Variants in DIAPH3 observed in about 807,000 individuals in gnomAD.
DIAPH3 encodes diaphanous related formin 3, also known as protein diaphanous homolog 3.
Under a neutral mutation model 144.3 loss-of-function variants are expected in DIAPH3, and 117 were observed. The observed-to-expected ratio is 0.81, with a 90% confidence interval of 0.70 to 0.95. DIAPH3 has a LOEUF of 0.95. Ranked by LOEUF, DIAPH3 falls within the 40% of genes least tolerant of loss-of-function variation. The pLI is 0.00. For synonymous variants in DIAPH3, 519 were observed against 488.9 expected, an observed-to-expected ratio of 1.06 and a Z score of -0.81; for missense variants, 1,421 against 1,412.7, an observed-to-expected ratio of 1.01 and a Z score of -0.09.
intron 27 of DIAPH3, among the ~76,000 whole-genome samples, chr13:59,755,689 G>C (rs1340298426): frequency 6.6e-6 from 1 of 152,104 alleles, no homozygotes; most frequent in South Asian, 2.1e-4. Context: ...AAATCACAAA[G>C]AGAGTTTCAA....
intron 27 of DIAPH3, among the ~76,000 whole-genome samples, chr13:59,771,362 A>C (rs1053726673): frequency 1.3e-5 from 2 of 152,164 alleles, no homozygotes; most frequent in African/African-American, 4.8e-5. Flanking sequence ...AGGTTTATTA[A>C]AATTAACAAA....
In DIAPH3 at chr13:60,085,735, C is replaced by G. The variant is rs991437998; in HGVS notation, c.495+7893G>C. On this transcript the variant is annotated intron_variant, in intron 4 of 27. Transcript: ENST00000400324. Reference sequence around the variant, plus strand: ...TTTCACTTTTTCCTTCAGAAGTGTTCCTTCTTTTAAAAGCTTCTTTATATT... The same window carrying G: ...TTTCACTTTTTCCTTCAGAAGTGTTGCTTCTTTTAAAAGCTTCTTTATATT... 1.2e-4 allele frequency among the ~76,000 whole-genome samples: 19 copies of G among 152,102 alleles called. 1 individual carries two copies. Among genetic ancestry groups the G allele is most frequent in the South Asian group, 2.1e-4 (1 of 4,830 alleles).
At chr13:59,723,005 C>T (rs753790998) in intron 27 of DIAPH3, among the ~76,000 whole-genome samples, 3 of 152,158 alleles carry the variant, frequency 2.0e-5, no homozygotes, top group Non-Finnish European at 4.4e-5. Context: ...CATACCCCTT[C>T]CAAGAAATGG....
chr13:60,038,179 A>G (rs1230935692), intron 5 of DIAPH3, among the ~76,000 whole-genome samples: 2 of 152,110 alleles, frequency 1.3e-5, no homozygotes, highest in African/African-American at 4.8e-5. Context: ...AGGAAGCTTC[A>G]AAGCTATAGG....
intron 27 of DIAPH3, among the ~76,000 whole-genome samples, chr13:59,686,010 T>C (rs2033192599): frequency 6.6e-6 from 1 of 152,152 alleles, no homozygotes; most frequent in East Asian, 1.9e-4. Context: ...CCAAACTAAA[T>C]GTGCCACTGC....
At chr13:59,803,430 G>A (rs1449042881) in intron 25 of DIAPH3, among the ~76,000 whole-genome samples, 2 of 151,998 alleles carry the variant, frequency 1.3e-5, no homozygotes, top group Non-Finnish European at 2.9e-5. Context: ...TCAGAATATA[G>A]TAAATACCAT....
chr13:59,705,528 A>G (rs2034370595), intron 27 of DIAPH3, among the ~76,000 whole-genome samples: 1 of 152,244 alleles, frequency 6.6e-6, no homozygotes, highest in Admixed American at 6.5e-5. Context: ...AAATCATTTC[A>G]GATCAATGAG....
At chr13:59,863,154 G>C (rs2043702642) in intron 21 of DIAPH3, among the ~76,000 whole-genome samples, 2 of 152,106 alleles carry the variant, frequency 1.3e-5, no homozygotes, top group Admixed American at 6.6e-5. Context: ...AAGTTAGCTT[G>C]GGTTTTGTGT....
At chr13:60,081,335 G>A (rs1196497448) in intron 4 of DIAPH3, among the ~76,000 whole-genome samples, 1 of 151,976 alleles carries the variant, frequency 6.6e-6, no homozygotes, top group Non-Finnish European at 1.5e-5. Context: ...AAAGTTTATG[G>A]ATGAAATAAC....
chr13:59,728,514 A>C (rs918422994), intron 27 of DIAPH3, among the ~76,000 whole-genome samples: 2 of 152,074 alleles, frequency 1.3e-5, no homozygotes, highest in African/African-American at 4.8e-5. Flanking sequence ...CTGTAGAAAG[A>C]AATTGTGTGT....
At chr13:60,005,664 G>C (rs1274487493) in intron 9 of DIAPH3, among the ~76,000 whole-genome samples, 2 of 151,970 alleles carry the variant, frequency 1.3e-5, no homozygotes, top group South Asian at 2.1e-4. Context: ...TGTATTTTTA[G>C]TAGAGACGGG....
intron 27 of DIAPH3, among the ~76,000 whole-genome samples, chr13:59,744,033 T>C (rs1369505840): frequency 1.3e-5 from 2 of 152,202 alleles, no homozygotes; most frequent in African/African-American, 4.8e-5. Context: ...TTTTGGGGGT[T>C]AAGTTTCTAT....
intron 20 of DIAPH3, among the ~76,000 whole-genome samples, chr13:59,881,607 C>G (rs2045052826): frequency 6.6e-6 from 1 of 151,974 alleles, no homozygotes; most frequent in Non-Finnish European, 1.5e-5. Context: ...CATATGTAGC[C>G]AGCATAGAGT....
At chr13:60,117,489 G>A (rs1268507088) in intron 2 of DIAPH3, among the ~76,000 whole-genome samples, 2 of 152,066 alleles carry the variant, frequency 1.3e-5, no homozygotes, top group African/African-American at 2.4e-5. Flanking sequence ...CGAATCTAAT[G>A]AATACCTGAG....
rs540108726 is a variant in DIAPH3, at chr13:59,979,021, A to C, written c.1545+1774T>G. 2.0e-5 allele frequency among the ~76,000 whole-genome samples: 3 copies of C among 151,808 alleles called. No homozygotes were observed. In the South Asian group the frequency reaches 6.2e-4, roughly 31 times the overall value. On this transcript the variant is annotated intron_variant, in intron 14 of 27. Transcript: ENST00000400324. Reference sequence around the variant, plus strand: ...TTCCTGCCTAAAGCAAAGTATTTACATGTGTCCTTATAAAACTATCAGAAC... The same window carrying C: ...TTCCTGCCTAAAGCAAAGTATTTACCTGTGTCCTTATAAAACTATCAGAAC...
Position 59,668,146 on chromosome 13 carries a change from A to AT in DIAPH3, c.3320-1301dup, listed in dbSNP as rs932546713. Among the ~76,000 whole-genome samples, 27 of 152,172 alleles carry AT rather than the reference A, an allele frequency of 1.8e-4. 1 individual carries two copies. Among genetic ancestry groups the AT allele is most frequent in the African/African-American group, 2.4e-5 (1 of 41,454 alleles). On this transcript the variant is annotated intron_variant, in intron 27 of 27. Coordinates refer to ENST00000400324, the MANE Select transcript of DIAPH3 (RefSeq NM_001042517.2). The stretch of plus-strand genomic sequence containing the variant: ...AAAATCAAAATCTAATAGAGCAGTG[A>AT]TTTTCTCTTAAAGGAGTGTATGCTC...
intron 9 of DIAPH3, among the ~76,000 whole-genome samples, chr13:60,005,461 C>T (rs986383558): frequency 1.3e-5 from 2 of 152,028 alleles, no homozygotes; most frequent in Admixed American, 6.6e-5. Flanking sequence ...TGTTAATATA[C>T]AAAAAATATT....
At chr13:60,043,267 T>C (rs1594485740) in intron 4 of DIAPH3, among the ~76,000 whole-genome samples, 2 of 152,252 alleles carry the variant, frequency 1.3e-5, no homozygotes, top group East Asian at 1.9e-4. Context: ...TGTAGACACA[T>C]GGATTAACAA....
At chr13:60,012,877 G>T in intron 7 of DIAPH3, 3 of 471,854 alleles carry the variant, frequency 6.4e-6, no homozygotes, top group Non-Finnish European at 5.5e-6. Flanking sequence ...CTCTGATTTT[G>T]GTAATGCAAA....
Sources: allele counts gnomAD v4.1 joint callset (sites outside exome capture counted in the v4.1 genomes callset), GRCh38; gene constraint gnomAD v4.1.1; transcripts MANE v1.5; gene names NCBI Gene and HGNC (gene_info 2026-07-23, HGNC 2026-07-21).